MAPK10: variants seen among roughly 807,000 people sequenced by gnomAD.
The protein encoded by MAPK10 is mitogen-activated protein kinase 10, also known as JNK3 alpha protein kinase.
MAPK10 carries 25 observed loss-of-function variants against 59.3 expected under a neutral mutation model. The ratio of observed to expected loss-of-function variants is 0.42; its 90% CI spans 0.31 to 0.59. The LOEUF (loss-of-function observed/expected upper bound fraction) is 0.59, where lower values mean the gene tolerates loss of function less well. Ranked by LOEUF, MAPK10 falls within the 20% of genes least tolerant of loss-of-function variation. MAPK10 has a pLI of 0.15. For missense variants in MAPK10, 351 were observed against 568.9 expected (o/e 0.62, Z 3.90); for synonymous variants, 190 against 200.5 (o/e 0.95, Z 0.44).
At chr4:86,428,043 C>T (rs570387802) in intron 1 of MAPK10, among the ~76,000 whole-genome samples, 10 of 152,246 alleles carry the variant, frequency 6.6e-5, no homozygotes, top group Admixed American at 2.6e-4. Flanking sequence ...ATGAGTGCTC[C>T]ATTGAGCTCA....
At chr4:86,223,272 T>C (rs925205467) in intron 2 of MAPK10, among the ~76,000 whole-genome samples, 1 of 152,194 alleles carries the variant, frequency 6.6e-6, no homozygotes, top group African/African-American at 2.4e-5. Context: ...CAGCTGGCAT[T>C]CACCCTAGTG....
intron 13 of MAPK10, among the ~76,000 whole-genome samples, chr4:86,018,309 T>C (rs1367630107): frequency 2.7e-5 from 4 of 147,462 alleles, no homozygotes; most frequent in African/African-American, 7.6e-5. Context: ...TTAAAATGCA[T>C]ATAGAAAAGC....
chr4:86,221,420 C>A (rs2089541388), intron 2 of MAPK10, among the ~76,000 whole-genome samples: 1 of 151,924 alleles, frequency 6.6e-6, no homozygotes, highest in South Asian at 2.1e-4. Context: ...ATAAAGGAGG[C>A]ACATTGATAT....
chr4:86,030,395 A>G (rs1578805779), intron 12 of MAPK10, among the ~76,000 whole-genome samples: 1 of 152,214 alleles, frequency 6.6e-6, no homozygotes, highest in Middle Eastern at 3.4e-3. Context: ...CAATGGCACA[A>G]TCATGGCTCA....
chr4:86,476,530 C>T (rs574262558), intron 1 of MAPK10, among the ~76,000 whole-genome samples: 11 of 152,214 alleles, frequency 7.2e-5, no homozygotes, highest in African/African-American at 1.9e-4. Context: ...AACCCTGAGA[C>T]GCTTTAAAGC....
At chr4:86,522,460 C>T (rs917136528) in intron 1 of MAPK10, among the ~76,000 whole-genome samples, 11 of 152,038 alleles carry the variant, frequency 7.2e-5, no homozygotes, top group Middle Eastern at 3.2e-3. Context: ...TGAGATGATA[C>T]GTTTAACACA....
chr4:86,491,659 G>T (rs1224914517), intron 1 of MAPK10, among the ~76,000 whole-genome samples: 1 of 152,124 alleles, frequency 6.6e-6, no homozygotes, highest in African/African-American at 2.4e-5. Context: ...GGTCCATTCG[G>T]GATATCAGTT....
chr4:86,538,442 G>A (rs886371234), intron 1 of MAPK10, among the ~76,000 whole-genome samples: 12 of 152,104 alleles, frequency 7.9e-5, no homozygotes, highest in African/African-American at 2.7e-4. Flanking sequence ...CACCGCACCC[G>A]GCCCTGAGCC....
intron 1 of MAPK10, among the ~76,000 whole-genome samples, chr4:86,459,568 G>A (rs535023437): frequency 8.5e-5 from 13 of 152,242 alleles, no homozygotes; most frequent in Middle Eastern, 3.4e-3. Context: ...GATAGATGAT[G>A]GAATACTACT....
At chr4:86,310,904 A>G (rs1313549690) in intron 2 of MAPK10, among the ~76,000 whole-genome samples, 2 of 152,066 alleles carry the variant, frequency 1.3e-5, no homozygotes, top group Non-Finnish European at 2.9e-5. Context: ...AGGTCAGAAC[A>G]TTAGAACATT....
intron 1 of MAPK10, among the ~76,000 whole-genome samples, chr4:86,590,031 T>C (rs1762925596): frequency 6.7e-6 from 1 of 150,194 alleles, no homozygotes; most frequent in South Asian, 2.1e-4. Context: ...ATAACGTATA[T>C]GCTCATTGAA....
intron 1 of MAPK10, among the ~76,000 whole-genome samples, chr4:86,474,405 T>C (rs1009865930): frequency 1.3e-5 from 2 of 152,230 alleles, no homozygotes; most frequent in African/African-American, 4.8e-5. Flanking sequence ...TACCTATGTT[T>C]ATATCATAAA....
intron 1 of MAPK10, among the ~76,000 whole-genome samples, chr4:86,586,531 C>A (rs1159126759): frequency 6.6e-6 from 1 of 152,162 alleles, no homozygotes; most frequent in African/African-American, 2.4e-5. Flanking sequence ...TCTGATAAAC[C>A]AATCCACATT....
rs1446251510 is a variant in MAPK10 at position 86,492,908 on chromosome 4, TG to T, written c.-263+101001del. The stretch of plus-strand genomic sequence containing the variant: ...GAGGGGTGTTAAAGCAAACTAAATA[TG>T]GCCTGAGAAGGACTCCGTAATTCTA... On this transcript the variant is annotated intron_variant, in intron 1 of 4. Coordinates refer to the MAPK10 transcript ENST00000502302. 1.1e-4 allele frequency among the ~76,000 whole-genome samples: 16 copies of T among 152,336 alleles called. No homozygotes were observed. In the South Asian group the frequency reaches 1.9e-3, roughly 18 times the overall value.
intron 2 of MAPK10, among the ~76,000 whole-genome samples, chr4:86,251,400 C>T (rs1347786846): frequency 6.6e-6 from 1 of 150,776 alleles, no homozygotes. Context: ...TGTTCAATCC[C>T]CACCTATGAG....
At chr4:86,036,561 T>A (rs1406491047) in intron 11 of MAPK10, among the ~76,000 whole-genome samples, 1 of 152,160 alleles carries the variant, frequency 6.6e-6, no homozygotes, top group Non-Finnish European at 1.5e-5. Flanking sequence ...TCAAGGAAAT[T>A]TTAAAAAATA....
chr4:86,565,735 C>A (rs1565050167), intron 1 of MAPK10, among the ~76,000 whole-genome samples: 1 of 152,138 alleles, frequency 6.6e-6, no homozygotes, highest in Non-Finnish European at 1.5e-5. Context: ...TATCTCAACT[C>A]CATCTTCCTA....
chr4:86,025,898 G>T (rs1179917541), intron 13 of MAPK10, among the ~76,000 whole-genome samples: 1 of 151,898 alleles, frequency 6.6e-6, no homozygotes, highest in East Asian at 1.9e-4. Context: ...AAAAAAATAT[G>T]GTAGACACAG....
At chr4:86,461,905 A>G (rs1751779416) in intron 1 of MAPK10, among the ~76,000 whole-genome samples, 1 of 152,194 alleles carries the variant, frequency 6.6e-6, no homozygotes, top group Non-Finnish European at 1.5e-5. Flanking sequence ...GATGATTTAG[A>G]GGCTTGGCAG....
Sources: gnomAD v4.1 joint callset for allele counts (sites outside exome capture counted in the v4.1 genomes callset) on GRCh38, gnomAD v4.1.1 for gene constraint, MANE v1.5 for transcripts, NCBI Gene and HGNC (gene_info 2026-07-23, HGNC 2026-07-21) for gene names.